The following UGT2B7 variants were observed in gnomAD, a reference collection of about 807,000 sequenced individuals.
UGT2B7 encodes UDP glucuronosyltransferase family 2 member B7.
UGT2B7 carries 51 observed loss-of-function variants against 51.9 expected under a neutral mutation model. That is an observed-to-expected ratio of 0.98 (90% CI 0.78 to 1.24). The LOEUF (loss-of-function observed/expected upper bound fraction) is 1.24, where lower values mean the gene tolerates loss of function less well. Ranked by LOEUF, UGT2B7 falls within the 50% of genes most tolerant of loss-of-function variation. UGT2B7 has a pLI of 0.00. For missense variants in UGT2B7, 727 were observed against 628.4 expected, an observed-to-expected ratio of 1.16 and a Z score of -1.68; for synonymous variants, 225 against 211.6, an observed-to-expected ratio of 1.06 and a Z score of -0.55.
chr4:69,084,273 G>A (rs1718900608), intron 1 of UGT2B7, among the ~76,000 whole-genome samples: 1 of 150,198 alleles, frequency 6.7e-6, no homozygotes, highest in African/African-American at 2.5e-5. Context: ...GGATTTGGTT[G>A]GCTAGAAGTT....
intron 1 of UGT2B7, among the ~76,000 whole-genome samples, chr4:69,069,237 T>C (rs1718546812): frequency 6.6e-6 from 1 of 152,090 alleles, no homozygotes; most frequent in Admixed American, 6.6e-5. Flanking sequence ...TCTTATGAGC[T>C]TTGCCCTGAC....
At chr4:69,095,787 G>T (rs760347911), upstream of UGT2B7, among the ~76,000 whole-genome samples, 1 of 152,016 alleles carries the variant, frequency 6.6e-6, no homozygotes, top group Non-Finnish European at 1.5e-5. Context: ...ACATGTATAC[G>T]CTATATCATA....
chr4:69,095,361 G>T (rs1719194622), upstream of UGT2B7, among the ~76,000 whole-genome samples: 1 of 152,198 alleles, frequency 6.6e-6, no homozygotes, highest in Non-Finnish European at 1.5e-5. Flanking sequence ...TATTTGCTGA[G>T]TCAGTTCCTT....
intron 4 of UGT2B7, 138 bp downstream of exon 4, chr4:69,107,400 T>C (rs942707850): frequency 4.9e-6 from 5 of 1,025,214 alleles, no homozygotes; most frequent in Admixed American, 3.6e-5. Flanking sequence ...TTTCCAGTCT[T>C]AAGGGAGAAA....
At chr4:69,103,444 T>C (rs186248262) in intron 3 of UGT2B7, among the ~76,000 whole-genome samples, 2 of 152,322 alleles carry the variant, frequency 1.3e-5, no homozygotes, top group African/African-American at 4.8e-5. Flanking sequence ...GTACTCCATA[T>C]GTATTCACAA....
At chr4:69,056,101 C>T (rs993143023) in intron 1 of UGT2B7, among the ~76,000 whole-genome samples, 5 of 152,152 alleles carry the variant, frequency 3.3e-5, no homozygotes, top group African/African-American at 4.8e-5. Context: ...ATTAAGCCTT[C>T]TTTCTTCTTA....
chr4:69,058,538 C>A (rs1037539245), intron 1 of UGT2B7, among the ~76,000 whole-genome samples: 1 of 152,114 alleles, frequency 6.6e-6, no homozygotes, highest in Non-Finnish European at 1.5e-5. Context: ...GGGAGAAAGG[C>A]AATCAATATA....
chr4:69,095,271 T>C (rs912454725), upstream of UGT2B7, among the ~76,000 whole-genome samples: 4 of 152,144 alleles, frequency 2.6e-5, no homozygotes, highest in Non-Finnish European at 4.4e-5. Flanking sequence ...AAGGAGATCA[T>C]AGATGGTGAT....
Position 69,098,673 on chromosome 4 carries a change from C to A in UGT2B7, c.855C>A (p.Ala285=), listed in dbSNP as rs34661811. 43,335 of 1,610,488 alleles carry A rather than the reference C, an allele frequency of 0.027. 907 individuals are homozygous for A. The highest frequency in any genetic ancestry group is 0.11 in the Middle Eastern group (644 of 6,054). ...DFVGGLHCKP[A]KPLPKEMEDF... is the part of the protein sequence containing the mutation. ...TTGGAGGACTCCACTGCAAACCTGC[C>A]AAACCCCTGCCTAAGGTAAACATAC... Residue 285 remains alanine, a synonymous_variant, in exon 2 of 6, where the codon GCC becomes GCA. Coordinates refer to ENST00000305231, the MANE Select transcript of UGT2B7 (RefSeq NM_001074.4).
intron 1 of UGT2B7, among the ~76,000 whole-genome samples, chr4:69,057,763 G>C (rs1192209318): frequency 4.6e-5 from 7 of 152,210 alleles, no homozygotes; most frequent in Non-Finnish European, 7.3e-5. Context: ...TGGAATTCAT[G>C]TTAAAGAACT....
chr4:69,112,862 T>C lies in UGT2B7; in HGVS notation c.*126T>C. 1.5e-6 allele frequency: 2 copies of C among 1,336,142 alleles called. No individual in the cohort carries two copies. The highest frequency in any genetic ancestry group is 2.0e-6 in the Non-Finnish European group (2 of 1,016,610). The allele number at this position is 1,336,142 out of a possible 1,614,324, so 82.8% of individuals were successfully genotyped here. On this transcript the variant is annotated 3_prime_UTR_variant, in exon 6 of 6. Transcript: ENST00000305231. The stretch of plus-strand genomic sequence containing the variant: ...AAAAAAAAAAAAAGAAAAAAAAATC[T>C]TTTCAAAATTTACTTTGTCAAATAA...
intron 1 of UGT2B7, 53 bp from the exon 2 acceptor site, chr4:69,098,487 A>G (rs1291339023): frequency 2.5e-6 from 4 of 1,569,228 alleles, no homozygotes; most frequent in Non-Finnish European, 2.6e-6. Context: ...TCAGAAATTT[A>G]CCTAAAGTAA....
intron 1 of UGT2B7, among the ~76,000 whole-genome samples, chr4:69,059,776 G>A (rs561310733): frequency 9.2e-5 from 14 of 152,308 alleles, no homozygotes; most frequent in African/African-American, 2.6e-4. Flanking sequence ...TTGCCAGTGC[G>A]GAAGCCGTCT....
intron 1 of UGT2B7, among the ~76,000 whole-genome samples, chr4:69,098,152 G>A (rs996254527): frequency 5.3e-5 from 8 of 151,888 alleles, no homozygotes; most frequent in African/African-American, 1.9e-4. Flanking sequence ...ATTTTTATGG[G>A]TAGAGTAGAA....
chr4:69,108,171 G>A lies in UGT2B7; in HGVS notation c.1159G>A (p.Gly387Arg). Residue 387 changes from glycine (G) to arginine (R), a missense_variant, in exon 5 of 6, where the codon GGG (glycine) becomes AGG (arginine). Physicochemically the swap from Gly to Arg is moderately radical, Grantham distance 125 (BLOSUM62 -2). Coordinates refer to ENST00000305231, the MANE Select transcript of UGT2B7 (RefSeq NM_001074.4). ...ANGIYEAIYH[G>R]IPMVGIPLFA... is the part of the protein sequence containing the mutation. ...TGGCATCTACGAGGCAATCTACCAT[G>A]GGATCCCTATGGTGGGGATTCCATT... 5 of 1,613,630 alleles carry A rather than the reference G, an allele frequency of 3.1e-6. No individual in the cohort carries two copies. Among genetic ancestry groups the A allele is most frequent in the Non-Finnish European group, 4.2e-6 (5 of 1,179,678 alleles).
chr4:69,091,806 C>A (rs1406036735), upstream of UGT2B7, among the ~76,000 whole-genome samples: 1 of 152,188 alleles, frequency 6.6e-6, no homozygotes, highest in African/African-American at 2.4e-5. Context: ...CACAAAGTAA[C>A]AATGTTTACT....
chr4:69,058,676 A>C (rs1718271929), intron 1 of UGT2B7, among the ~76,000 whole-genome samples: 1 of 151,926 alleles, frequency 6.6e-6, no homozygotes. Context: ...ATCAGGCAAA[A>C]ATTGCAGAAA....
chr4:69,070,708 G>A lies in UGT2B7; in HGVS notation c.-158-18764G>A, dbSNP rs143930107. Among the ~76,000 whole-genome samples the A allele has an allele frequency of 2.9e-3, 448 of 152,184 alleles. 4 individuals are homozygous for A. Among genetic ancestry groups the A allele is most frequent in the Admixed American group, 0.022 (332 of 15,260 alleles). On this transcript the variant is annotated intron_variant, in intron 1 of 5. Coordinates refer to the UGT2B7 transcript ENST00000502942. Reference sequence around the variant, plus strand: ...AAGTGTAAAATGATTATTAGACAAGGTGAGTTAGACAGGGTAATTTTGCAA... The same window carrying A: ...AAGTGTAAAATGATTATTAGACAAGATGAGTTAGACAGGGTAATTTTGCAA...
intron 1 of UGT2B7, among the ~76,000 whole-genome samples, chr4:69,053,577 G>A (rs1233873814): frequency 6.6e-6 from 1 of 152,180 alleles, no homozygotes. Flanking sequence ...TCTACAGCCT[G>A]GAGTAATAAG....
Sources: gnomAD v4.1 joint callset for allele counts (sites outside exome capture counted in the v4.1 genomes callset) on GRCh38, gnomAD v4.1.1 for gene constraint, MANE v1.5 for transcripts, NCBI Gene and HGNC (gene_info 2026-07-23, HGNC 2026-07-21) for gene names.